The following RBFOX1 variants were observed in gnomAD, a reference collection of about 807,000 sequenced individuals.
The protein encoded by RBFOX1 is RNA binding fox-1 homolog 1.
In RBFOX1, 8 loss-of-function variants were observed where a neutral mutation model predicts 57.7. The observed-to-expected ratio is 0.14, with a 90% CI of 0.08 to 0.25. The LOEUF is 0.25. Among genes scored for constraint, RBFOX1 ranks in the 10% least tolerant of loss-of-function variants. The probability of loss-of-function intolerance (pLI) is 1.00; values close to 1 mark genes in which losing one functional copy is unlikely to be tolerated. For missense variants in RBFOX1, 611 were observed against 548.5 expected, an observed-to-expected ratio of 1.11 and a Z score of -1.14; for synonymous variants, 326 against 222.4, an observed-to-expected ratio of 1.47 and a Z score of -4.15.
chr16:7,489,608 C>T (rs144118995), intron 4 of RBFOX1, among the ~76,000 whole-genome samples: 9 of 152,094 alleles, frequency 5.9e-5, no homozygotes, highest in Non-Finnish European at 8.8e-5. Flanking sequence ...CTCGAACTCC[C>T]GGACTCAAGA....
chr16:7,139,176 C>CTCTCTCTCTCTCTCTGTGTGTGTGTGTG (rs372381673), intron 4 of RBFOX1, among the ~76,000 whole-genome samples: 4 of 145,790 alleles, frequency 2.7e-5, no homozygotes, highest in African/African-American at 7.7e-5. Context: ...CAATCTCTCT[C>CTCTCTCTCTCTCTCTGTGTGTGTGTGTG]TGTGTGTGTG....
chr16:7,111,871 T>G (rs367704080), intron 4 of RBFOX1, among the ~76,000 whole-genome samples: 15 of 152,272 alleles, frequency 9.9e-5, no homozygotes, highest in African/African-American at 3.6e-4. Flanking sequence ...AATTGATCAG[T>G]TGAATTGAAA....
At chr16:5,833,253 G>T (rs151059290) in intron 3 of RBFOX1, among the ~76,000 whole-genome samples, 191 of 152,214 alleles carry the variant, frequency 1.3e-3, no homozygotes, top group African/African-American at 4.5e-3. Context: ...CTGCACTTTG[G>T]GAGGCTGAGG....
intron 4 of RBFOX1, among the ~76,000 whole-genome samples, chr16:7,441,856 C>T (rs1040805952): frequency 3.3e-5 from 5 of 152,186 alleles, no homozygotes; most frequent in African/African-American, 1.2e-4. Flanking sequence ...CACTGGCTGT[C>T]ACAGGCATTT....
intron 4 of RBFOX1, among the ~76,000 whole-genome samples, chr16:7,175,832 G>C (rs934962210): frequency 2.2e-4 from 34 of 152,162 alleles, no homozygotes; most frequent in African/African-American, 8.0e-4. Context: ...CAGTAATCTA[G>C]GAAAAGGTCA....
At chr16:5,293,106 A>G (rs183608266) in intron 1 of RBFOX1, among the ~76,000 whole-genome samples, 1 of 151,946 alleles carries the variant, frequency 6.6e-6, no homozygotes, top group Admixed American at 6.5e-5. Flanking sequence ...GGATCATTTG[A>G]GGCCAGGAGT....
intron 1 of RBFOX1, among the ~76,000 whole-genome samples, chr16:6,115,448 A>T (rs991503618): frequency 6.6e-6 from 1 of 152,182 alleles, no homozygotes; most frequent in Non-Finnish European, 1.5e-5. Context: ...AGTAGTGAGG[A>T]TGTCTTAACA....
chr16:6,476,762 A>G (rs1200675068), intron 2 of RBFOX1, among the ~76,000 whole-genome samples: 1 of 152,170 alleles, frequency 6.6e-6, no homozygotes, highest in East Asian at 1.9e-4. Flanking sequence ...CTTTCATGAA[A>G]TACTTCTCTG....
At chr16:6,517,849 G>A (rs941866253) in intron 2 of RBFOX1, among the ~76,000 whole-genome samples, 12 of 152,140 alleles carry the variant, frequency 7.9e-5, no homozygotes, top group Non-Finnish European at 4.4e-5. Context: ...TACATAACCA[G>A]AGATTGTATG....
intron 1 of RBFOX1, among the ~76,000 whole-genome samples, chr16:6,228,008 A>G (rs1306374487): frequency 1.3e-5 from 2 of 152,306 alleles, no homozygotes; most frequent in African/African-American, 4.8e-5. Context: ...TTGCAGCACT[A>G]TTCAAACTAG....
intron 4 of RBFOX1, among the ~76,000 whole-genome samples, chr16:7,400,060 G>C (rs2098215178): frequency 6.6e-6 from 1 of 152,124 alleles, no homozygotes; most frequent in Admixed American, 6.6e-5. Flanking sequence ...TGAGAAAATT[G>C]ACCCTCAGGA....
At chr16:7,141,525 A>G (rs79806399) in intron 4 of RBFOX1, among the ~76,000 whole-genome samples, 5,321 of 152,240 alleles carry the variant, frequency 0.035, 334 homozygotes, top group African/African-American at 0.12. Flanking sequence ...AGAGTGCATC[A>G]AGGATCATTG....
At chr16:7,360,163 A>T (rs1368333857) in intron 4 of RBFOX1, among the ~76,000 whole-genome samples, 1 of 152,192 alleles carries the variant, frequency 6.6e-6, no homozygotes, top group Admixed American at 6.5e-5. Flanking sequence ...ACTATTTAAT[A>T]CGCTACATGC....
intron 4 of RBFOX1, among the ~76,000 whole-genome samples, chr16:7,125,115 T>G (rs572006561): frequency 2.0e-5 from 3 of 152,236 alleles, no homozygotes; most frequent in Admixed American, 6.5e-5. Context: ...AATGACAATA[T>G]GAGAGGTTTC....
intron 1 of RBFOX1, chr16:5,366,731 T>C (rs1460141041): frequency 1.1e-5 from 4 of 351,982 alleles, no homozygotes; most frequent in Non-Finnish European, 2.2e-5. Context: ...TTCCATCTTA[T>C]TTCATTCCTG....
intron 13 of RBFOX1, among the ~76,000 whole-genome samples, chr16:7,665,821 AATC>A: frequency 6.6e-6 from 1 of 152,338 alleles, no homozygotes; most frequent in Non-Finnish European, 1.5e-5. Flanking sequence ...ATAGCAAAAA[AATC>A]ATATTTCTGA....
chr16:7,239,862 C>T (rs950304770), intron 4 of RBFOX1, among the ~76,000 whole-genome samples: 1 of 150,196 alleles, frequency 6.7e-6, no homozygotes, highest in African/African-American at 2.4e-5. Context: ...TACTTGAAAA[C>T]TGGGCCCATA....
intron 2 of RBFOX1, among the ~76,000 whole-genome samples, chr16:6,522,358 C>G (rs952443748): frequency 1.2e-4 from 19 of 152,242 alleles, no homozygotes; most frequent in African/African-American, 4.1e-4. Context: ...TGGCTTACCA[C>G]TTTCCCCTGT....
intron 2 of RBFOX1, among the ~76,000 whole-genome samples, chr16:6,579,759 A>AT (rs928806642): frequency 1.2e-4 from 18 of 151,794 alleles, no homozygotes; most frequent in African/African-American, 3.9e-4. Context: ...TAATTTTTCA[A>AT]TTTTTTTGTA....
Sources: allele counts gnomAD v4.1 joint callset (sites outside exome capture counted in the v4.1 genomes callset), GRCh38; gene constraint gnomAD v4.1.1; transcripts MANE v1.5; gene names NCBI Gene and HGNC (gene_info 2026-07-23, HGNC 2026-07-21).